The following LRP1B variants were observed in gnomAD, a reference collection of about 807,000 sequenced individuals.
The protein encoded by LRP1B is low-density lipoprotein receptor-related protein 1B.
Under a neutral mutation model 556.6 loss-of-function variants are expected in LRP1B, and 217 were observed. The ratio of observed to expected loss-of-function variants is 0.39; its 90% CI spans 0.35 to 0.44. LRP1B has a LOEUF of 0.44. LRP1B is among the 20% of genes least tolerant of loss of function. The pLI, the probability that LRP1B is intolerant of heterozygous loss-of-function variation, is 1.00. For synonymous variants in LRP1B, 2,047 were observed against 1,865.8 expected (o/e 1.10, Z -2.50); for missense variants, 5,053 against 5,620.8 (o/e 0.90, Z 3.23).
intron 7 of LRP1B, among the ~76,000 whole-genome samples, chr2:141,122,908 T>G (rs1574096649): frequency 6.6e-6 from 1 of 152,244 alleles, no homozygotes; most frequent in African/African-American, 2.4e-5. Flanking sequence ...CACCATGGAA[T>G]ACTATGCAGC....
At chr2:140,620,621 G>A (rs566537504) in intron 41 of LRP1B, among the ~76,000 whole-genome samples, 1 of 152,118 alleles carries the variant, frequency 6.6e-6, no homozygotes, top group South Asian at 2.1e-4. Flanking sequence ...GTTCCTATGT[G>A]TTAGAATCAA....
chr2:140,293,436 C>T (rs1428921723), intron 84 of LRP1B, among the ~76,000 whole-genome samples: 1 of 152,132 alleles, frequency 6.6e-6, no homozygotes, highest in Non-Finnish European at 1.5e-5. Context: ...TTTGCCTCTC[C>T]TCCCTGGGCT....
intron 41 of LRP1B, among the ~76,000 whole-genome samples, chr2:140,681,154 T>G (rs980180047): frequency 1.3e-5 from 2 of 152,218 alleles, no homozygotes; most frequent in African/African-American, 4.8e-5. Context: ...CATGTGACTA[T>G]GTTTTGCTAG....
intron 13 of LRP1B, among the ~76,000 whole-genome samples, chr2:141,015,314 A>G (rs534351283): frequency 1.8e-4 from 27 of 152,256 alleles, no homozygotes; most frequent in Admixed American, 4.6e-4. Context: ...ACTAAATACA[A>G]TGTAATTACT....
chr2:140,469,465 C>T (rs1165176059), intron 60 of LRP1B, among the ~76,000 whole-genome samples: 2 of 152,202 alleles, frequency 1.3e-5, no homozygotes, highest in Non-Finnish European at 2.9e-5. Context: ...GCATCCCAGA[C>T]AGACTAAGAC....
chr2:140,496,735 C>T (rs1197203744), intron 55 of LRP1B, among the ~76,000 whole-genome samples: 2 of 151,976 alleles, frequency 1.3e-5, no homozygotes, highest in Non-Finnish European at 2.9e-5. Flanking sequence ...TGAACCTATA[C>T]TTGGCCAGAT....
intron 49 of LRP1B, among the ~76,000 whole-genome samples, chr2:140,525,568 C>G (rs1009841977): frequency 1.3e-5 from 2 of 151,802 alleles, no homozygotes; most frequent in African/African-American, 4.8e-5. Flanking sequence ...AAATTACAAA[C>G]TTGAAAGACT....
intron 2 of LRP1B, among the ~76,000 whole-genome samples, chr2:141,768,698 G>T (rs1421257302): frequency 1.3e-5 from 2 of 151,976 alleles, no homozygotes; most frequent in Non-Finnish European, 2.9e-5. Context: ...ACTTCATAGA[G>T]GAAAGCCTCC....
At chr2:141,878,829 G>T (rs895627047) in intron 1 of LRP1B, among the ~76,000 whole-genome samples, 1 of 151,666 alleles carries the variant, frequency 6.6e-6, no homozygotes, top group Non-Finnish European at 1.5e-5. Flanking sequence ...TTATTTATGG[G>T]ACAGAAGGGC....
At chr2:141,835,695 A>G (rs2105752251) in intron 1 of LRP1B, among the ~76,000 whole-genome samples, 1 of 152,044 alleles carries the variant, frequency 6.6e-6, no homozygotes, top group Non-Finnish European at 1.5e-5. Context: ...TATTTTACAG[A>G]AGCTTATTTT....
chr2:140,272,766 A>T (rs1180401298), intron 85 of LRP1B, among the ~76,000 whole-genome samples: 1 of 152,010 alleles, frequency 6.6e-6, no homozygotes, highest in African/African-American at 2.4e-5. Context: ...AAATCCAAAG[A>T]ATTATGTTTG....
chr2:141,216,280 G>A (rs1391765205), intron 6 of LRP1B, among the ~76,000 whole-genome samples: 1 of 152,230 alleles, frequency 6.6e-6, no homozygotes. Flanking sequence ...ATAAACCTTG[G>A]CAGCTTCCAT....
intron 27 of LRP1B, among the ~76,000 whole-genome samples, chr2:140,864,100 G>C (rs1045694207): frequency 6.6e-6 from 1 of 151,702 alleles, no homozygotes; most frequent in Non-Finnish European, 1.5e-5. Context: ...GTATTTCTCT[G>C]TCTTAGGTTC....
chr2:141,308,260 C>T (rs547957097), intron 3 of LRP1B, among the ~76,000 whole-genome samples: 83 of 152,038 alleles, frequency 5.5e-4, no homozygotes, highest in Non-Finnish European at 9.9e-4. Context: ...AATATAGAAA[C>T]AAATAAACAA....
intron 2 of LRP1B, among the ~76,000 whole-genome samples, chr2:141,489,386 A>G (rs1683249548): frequency 6.6e-6 from 1 of 151,836 alleles, no homozygotes; most frequent in Non-Finnish European, 1.5e-5. Flanking sequence ...TGGAAAGGTA[A>G]TTTTTATGTA....
chr2:141,508,506 G>T (rs1344439153), intron 2 of LRP1B, among the ~76,000 whole-genome samples: 1 of 152,114 alleles, frequency 6.6e-6, no homozygotes, highest in African/African-American at 2.4e-5. Flanking sequence ...ACTTAGCCTA[G>T]CTAGGGAAGA....
intron 47 of LRP1B, among the ~76,000 whole-genome samples, chr2:140,531,942 A>C (rs1025843580): frequency 3.4e-4 from 51 of 152,172 alleles, no homozygotes; most frequent in African/African-American, 1.2e-3. Context: ...TTCATATATA[A>C]TTTGTTATTT....
At chr2:140,803,391 C>T (rs1690590829) in intron 32 of LRP1B, among the ~76,000 whole-genome samples, 1 of 149,830 alleles carries the variant, frequency 6.7e-6, no homozygotes, top group African/African-American at 2.4e-5. Context: ...ATTCTCCTAC[C>T]TCAGCGTCCT....
intron 66 of LRP1B, among the ~76,000 whole-genome samples, chr2:140,401,464 C>A (rs986399533): frequency 6.6e-6 from 1 of 152,168 alleles, no homozygotes; most frequent in African/African-American, 2.4e-5. Context: ...AACATTATTA[C>A]CTCAGTGGCT....
Sources: allele counts gnomAD v4.1 joint callset (sites outside exome capture counted in the v4.1 genomes callset), GRCh38; gene constraint gnomAD v4.1.1; transcripts MANE v1.5; gene names NCBI Gene and HGNC (gene_info 2026-07-23, HGNC 2026-07-21).